The following CHN2 variants were observed in gnomAD, a reference collection of about 807,000 sequenced individuals.
CHN2 encodes beta-chimaerin.
A neutral mutation model predicts 56.3 loss-of-function variants in CHN2; 35 were observed. That is an observed-to-expected ratio of 0.62 (90% CI 0.47 to 0.82). The LOEUF (loss-of-function observed/expected upper bound fraction) is 0.82, where lower values mean the gene tolerates loss of function less well. CHN2 is among the 40% of genes least tolerant of loss of function. The pLI, the probability that CHN2 is intolerant of heterozygous loss-of-function variation, is 0.00. For synonymous variants in CHN2, 210 were observed against 212.8 expected (o/e 0.99, Z 0.12); for missense variants, 491 against 580.5 (o/e 0.85, Z 1.58).
intron 6 of CHN2, among the ~76,000 whole-genome samples, chr7:29,416,319 T>G (rs1406950175): frequency 1.3e-5 from 2 of 152,232 alleles, no homozygotes. Context: ...TTCACAGTCT[T>G]AACCTTTAGA....
chr7:29,274,186 G>A (rs956585853), intron 1 of CHN2, among the ~76,000 whole-genome samples: 23 of 152,130 alleles, frequency 1.5e-4, no homozygotes, highest in African/African-American at 4.8e-4. Flanking sequence ...GATGTTGAAC[G>A]TCCTATTGGA....
chr7:29,330,976 T>G (rs1796171106), intron 1 of CHN2, among the ~76,000 whole-genome samples: 1 of 152,190 alleles, frequency 6.6e-6, no homozygotes, highest in East Asian at 1.9e-4. Flanking sequence ...AATTTGCTTG[T>G]GGGCCTGAAA....
At chr7:29,432,536 A>T (rs1008328030) in intron 6 of CHN2, among the ~76,000 whole-genome samples, 2 of 152,220 alleles carry the variant, frequency 1.3e-5, no homozygotes, top group Admixed American at 6.5e-5. Context: ...CTAACTCAGG[A>T]ATCTATACTA....
intron 1 of CHN2, among the ~76,000 whole-genome samples, chr7:29,319,929 G>A (rs577135955): frequency 5.9e-5 from 9 of 152,222 alleles, no homozygotes; most frequent in Admixed American, 5.9e-4. Context: ...ACTGGCCCTG[G>A]CTTTTGGTTA....
intron 6 of CHN2, among the ~76,000 whole-genome samples, chr7:29,454,239 G>A (rs1784597945): frequency 6.6e-6 from 1 of 152,154 alleles, no homozygotes; most frequent in South Asian, 2.1e-4. Flanking sequence ...GCAGAGATGT[G>A]GGACTTCAGC....
intron 2 of CHN2, among the ~76,000 whole-genome samples, chr7:29,363,186 A>G (rs1227871793): frequency 6.6e-6 from 1 of 152,222 alleles, no homozygotes; most frequent in Admixed American, 6.5e-5. Flanking sequence ...ACACATATGC[A>G]TTAAACATGT....
chr7:29,148,274 A>G (rs1462675454), intron 2 of CHN2, among the ~76,000 whole-genome samples: 1 of 152,200 alleles, frequency 6.6e-6, no homozygotes, highest in Non-Finnish European at 1.5e-5. Flanking sequence ...ACCTGTGCCC[A>G]CGTGGAACCA....
chr7:29,411,350 C>G (rs1277040255), intron 6 of CHN2, among the ~76,000 whole-genome samples: 1 of 152,170 alleles, frequency 6.6e-6, no homozygotes, highest in Non-Finnish European at 1.5e-5. Flanking sequence ...CTGGGTATCA[C>G]CCTCTTTGTT....
At chr7:29,260,119 A>G (rs1046843348) in intron 1 of CHN2, among the ~76,000 whole-genome samples, 3 of 152,090 alleles carry the variant, frequency 2.0e-5, no homozygotes, top group Non-Finnish European at 2.9e-5. Context: ...CTGGAATTAC[A>G]GGCACCCACC....
At chr7:29,481,822 C>A (rs1233526671) in intron 7 of CHN2, among the ~76,000 whole-genome samples, 1 of 151,896 alleles carries the variant, frequency 6.6e-6, no homozygotes, top group Non-Finnish European at 1.5e-5. Context: ...CTTGTAAATT[C>A]TTTTTCTTCC....
chr7:29,188,206 A>G (rs1798960410), intron 2 of CHN2, among the ~76,000 whole-genome samples: 1 of 152,224 alleles, frequency 6.6e-6, no homozygotes, highest in Non-Finnish European at 1.5e-5. Context: ...TATGCTTTAG[A>G]CACTATATTA....
At chr7:29,308,315 C>T (rs929342467) in intron 1 of CHN2, among the ~76,000 whole-genome samples, 4 of 152,166 alleles carry the variant, frequency 2.6e-5, no homozygotes, top group Admixed American at 1.3e-4. Flanking sequence ...TTCCAAGAAC[C>T]GGCTTCTTCC....
chr7:29,360,637 G>T (rs191284979), intron 2 of CHN2, among the ~76,000 whole-genome samples: 152 of 152,364 alleles, frequency 1.0e-3, no homozygotes, highest in East Asian at 2.1e-3. Flanking sequence ...CTGCTTATAA[G>T]GTTTTCCCAT....
At chr7:29,333,418 GAC>G (rs1429875805) in intron 1 of CHN2, among the ~76,000 whole-genome samples, 2 of 152,334 alleles carry the variant, frequency 1.3e-5, no homozygotes, top group Admixed American at 6.5e-5. Context: ...GAGAGGAGAT[GAC>G]ACAGTGAGTG....
At chr7:29,185,929 A>G (rs1798653250) in intron 2 of CHN2, among the ~76,000 whole-genome samples, 1 of 152,152 alleles carries the variant, frequency 6.6e-6, no homozygotes, top group South Asian at 2.1e-4. Context: ...GCTTTTAGGG[A>G]TAGGGAAACT....
intron 1 of CHN2, among the ~76,000 whole-genome samples, chr7:29,327,521 G>A (rs895450602): frequency 1.3e-5 from 2 of 152,160 alleles, no homozygotes; most frequent in African/African-American, 4.8e-5. Context: ...TTTAAGATAA[G>A]CCTAAGCAAG....
In CHN2 at chr7:29,480,036, G is replaced by T. The variant is rs947118589; in HGVS notation, c.577-243G>T. On this transcript the variant is annotated intron_variant, in intron 6 of 12. Coordinates refer to ENST00000222792, the MANE Select transcript of CHN2 (RefSeq NM_004067.4). ...AAATCTGCCGCCTAACATAAGCTGC[G>T]GTTCGAAAATCCTGACAGCACAGGG... 3 of 1,529,552 alleles carry T rather than the reference G, an allele frequency of 2.0e-6. No homozygotes were observed. The African/African-American group carries it at 4.2e-5, about 21-fold the overall frequency. 94.7% of individuals were successfully genotyped at this position (1,529,552 alleles called of 1,614,324 possible). A position where few individuals can be genotyped will look rare whatever the true frequency, so the allele number is the denominator to read the frequency against.
At chr7:29,472,680 G>GC (rs1554298821) in intron 6 of CHN2, among the ~76,000 whole-genome samples, 3 of 150,234 alleles carry the variant, frequency 2.0e-5, no homozygotes, top group African/African-American at 7.3e-5. Flanking sequence ...AAATGGGCAT[G>GC]TTTTTTTTTT....
At chr7:29,181,648 T>C (rs1798067303) in intron 2 of CHN2, among the ~76,000 whole-genome samples, 1 of 152,210 alleles carries the variant, frequency 6.6e-6, no homozygotes, top group African/African-American at 2.4e-5. Flanking sequence ...GGAAAGTAGC[T>C]TTATTATGGC....
Sources: allele counts gnomAD v4.1 joint callset (sites outside exome capture counted in the v4.1 genomes callset), GRCh38; gene constraint gnomAD v4.1.1; transcripts MANE v1.5; gene names NCBI Gene and HGNC (gene_info 2026-07-23, HGNC 2026-07-21).